Variants in RBFOX1 observed in about 807,000 individuals in gnomAD.
RBFOX1 encodes the protein RNA binding fox-1 homolog 1, also known as RNA binding protein fox-1 homolog 1.
Under a neutral mutation model 57.7 loss-of-function variants are expected in RBFOX1, and 8 were observed. The observed-to-expected ratio is 0.14, with a 90% CI of 0.08 to 0.25. The LOEUF (loss-of-function observed/expected upper bound fraction) is 0.25. RBFOX1 is among the 10% of genes least tolerant of loss of function. The pLI is 1.00. For missense variants in RBFOX1, 611 were observed against 548.5 expected (o/e 1.11, Z -1.14); for synonymous variants, 326 against 222.4 (o/e 1.47, Z -4.15).
chr16:7,304,298 A>G (rs1387272960), intron 4 of RBFOX1: 1 of 831,864 alleles, frequency 1.2e-6, no homozygotes, highest in Non-Finnish European at 1.4e-6. Flanking sequence ...ATTAAAAAAG[A>G]AAAAAAAAAA....
chr16:6,613,021 GTGTGTGT>G (rs2098088257), intron 2 of RBFOX1, among the ~76,000 whole-genome samples: 1 of 149,776 alleles, frequency 6.7e-6, no homozygotes. Context: ...GTGTGTGTGT[GTGTGTGT>G]GTGTGTGTGT....
intron 1 of RBFOX1, among the ~76,000 whole-genome samples, chr16:5,406,749 A>T (rs1046573192): frequency 6.6e-6 from 1 of 152,274 alleles, no homozygotes; most frequent in Non-Finnish European, 1.5e-5. Context: ...ACATTACACA[A>T]TGGGTCCTGC....
intron 1 of RBFOX1, among the ~76,000 whole-genome samples, chr16:6,158,872 C>G (rs1265266528): frequency 1.3e-5 from 2 of 150,938 alleles, no homozygotes; most frequent in East Asian, 1.9e-4. Flanking sequence ...GGTTTTCTAG[C>G]TTTTTCTGAC....
chr16:6,334,887 T>C (rs1411202490), intron 2 of RBFOX1, among the ~76,000 whole-genome samples: 1 of 152,148 alleles, frequency 6.6e-6, no homozygotes, highest in Non-Finnish European at 1.5e-5. Context: ...GGGAGAGATA[T>C]TTGCTTCTGG....
At chr16:6,848,464 G>A (rs898124658) in intron 3 of RBFOX1, among the ~76,000 whole-genome samples, 14 of 152,250 alleles carry the variant, frequency 9.2e-5, no homozygotes, top group Middle Eastern at 3.4e-3. Flanking sequence ...GCACCCGATT[G>A]CCAGCCCACC....
chr16:7,357,347 T>A (rs796270399), intron 4 of RBFOX1, among the ~76,000 whole-genome samples: 2 of 152,126 alleles, frequency 1.3e-5, no homozygotes, highest in African/African-American at 4.8e-5. Flanking sequence ...TTAGAGAAAC[T>A]GATGATGAAA....
At chr16:7,232,721 G>C (rs934090250) in intron 4 of RBFOX1, among the ~76,000 whole-genome samples, 3 of 151,912 alleles carry the variant, frequency 2.0e-5, no homozygotes, top group African/African-American at 4.8e-5. Context: ...CATGCCTGTA[G>C]TCCCAGCTAC....
intron 4 of RBFOX1, among the ~76,000 whole-genome samples, chr16:7,434,462 A>C (rs1390147739): frequency 6.6e-6 from 1 of 151,640 alleles, no homozygotes; most frequent in Admixed American, 6.6e-5. Flanking sequence ...ACAGAGCAAG[A>C]CTCTGTCTCG....
chr16:6,270,405 A>G (rs2075065304), intron 1 of RBFOX1, among the ~76,000 whole-genome samples: 1 of 152,002 alleles, frequency 6.6e-6, no homozygotes, highest in South Asian at 2.1e-4. Flanking sequence ...GTATGGAAAC[A>G]TCAATCAAAA....
chr16:6,988,325 A>T (rs867187307), intron 3 of RBFOX1, among the ~76,000 whole-genome samples: 1 of 152,164 alleles, frequency 6.6e-6, no homozygotes, highest in Non-Finnish European at 1.5e-5. Flanking sequence ...TGTGATGATG[A>T]AAGTGTTTAT....
chr16:6,952,311 G>C (rs1041660978), intron 3 of RBFOX1, among the ~76,000 whole-genome samples: 18 of 152,154 alleles, frequency 1.2e-4, no homozygotes, highest in African/African-American at 4.1e-4. Context: ...GTGCAAAAAA[G>C]TAGAACTCCA....
At chr16:6,484,134 G>A (rs2095423480) in intron 2 of RBFOX1, among the ~76,000 whole-genome samples, 1 of 152,180 alleles carries the variant, frequency 6.6e-6, no homozygotes, top group African/African-American at 2.4e-5. Flanking sequence ...TATTCCCAGA[G>A]ATGAATAAGC....
At chr16:6,382,481 C>G (rs2091905421) in intron 2 of RBFOX1, among the ~76,000 whole-genome samples, 1 of 152,162 alleles carries the variant, frequency 6.6e-6, no homozygotes, top group African/African-American at 2.4e-5. Context: ...CATAGTGTGA[C>G]CTGGAGCCAG....
intron 6 of RBFOX1, 94 bp from the exon 7 acceptor site, chr16:7,587,153 G>A (rs951122319): frequency 7.7e-7 from 1 of 1,299,788 alleles, no homozygotes; most frequent in Non-Finnish European, 9.9e-7. Flanking sequence ...TATTAAAAGA[G>A]AAAAAAATGG....
intron 4 of RBFOX1, among the ~76,000 whole-genome samples, chr16:7,195,715 G>T (rs1252079336): frequency 6.6e-6 from 1 of 151,986 alleles, no homozygotes; most frequent in South Asian, 2.1e-4. Flanking sequence ...ACCACACTTG[G>T]CTAATTTTTG....
At chr16:5,242,118 A>C (rs1465380921) in intron 1 of RBFOX1, among the ~76,000 whole-genome samples, 1 of 151,046 alleles carries the variant, frequency 6.6e-6, no homozygotes. Context: ...TGTTTCAAGG[A>C]AAAGAGAGAG....
At chr16:6,024,239 T>C (rs559736333) in intron 1 of RBFOX1, among the ~76,000 whole-genome samples, 1 of 152,306 alleles carries the variant, frequency 6.6e-6, no homozygotes, top group South Asian at 2.1e-4. Context: ...TGTTAGACCC[T>C]GTGCTTGGTG....
chr16:6,312,928 T>C (rs989469658), intron 1 of RBFOX1, among the ~76,000 whole-genome samples: 7 of 152,194 alleles, frequency 4.6e-5, no homozygotes, highest in Admixed American at 2.0e-4. Context: ...CAAACTTTCA[T>C]CAAATAATTT....
In RBFOX1 at chr16:5,421,011, CCTT is replaced by C. The variant is rs1470438718; in HGVS notation, c.220-46198_220-46196del. Among the ~76,000 whole-genome samples, 12 of 145,266 alleles carry C rather than the reference CCTT, an allele frequency of 8.3e-5. No individual in the cohort carries two copies. The East Asian group carries it at 1.3e-3, about 15-fold the overall frequency. On this transcript the variant is annotated intron_variant, in intron 1 of 2. Transcript: ENST00000585867. ...CCTCCTCCTCCTCCTCCTCCTCCTT[CCTT>C]CTTCTTTTTTGAGACTGGAACTTGC...
Sources: allele counts gnomAD v4.1 joint callset (sites outside exome capture counted in the v4.1 genomes callset), GRCh38; gene constraint gnomAD v4.1.1; transcripts MANE v1.5; gene names NCBI Gene and HGNC (gene_info 2026-07-23, HGNC 2026-07-21).